The following MAPKAPK3 variants were observed in gnomAD, a reference collection of about 807,000 sequenced individuals.
MAPKAPK3 encodes the protein MAPK activated protein kinase 3.
MAPKAPK3 carries 35 observed loss-of-function variants against 49.2 expected under a neutral mutation model. The ratio of observed to expected loss-of-function variants is 0.71; its 90% CI spans 0.54 to 0.94. The LOEUF is 0.94. Ranked by LOEUF, MAPKAPK3 falls within the 40% of genes least tolerant of loss-of-function variation. The pLI, the probability that MAPKAPK3 is intolerant of heterozygous loss-of-function variation, is 0.00. For missense variants in MAPKAPK3, 398 were observed against 493.1 expected, an observed-to-expected ratio of 0.81 and a Z score of 1.83; for synonymous variants, 178 against 188.7, an observed-to-expected ratio of 0.94 and a Z score of 0.46.
intron 2 of MAPKAPK3, among the ~76,000 whole-genome samples, chr3:50,618,742 T>C (rs1000030132): frequency 6.6e-6 from 1 of 151,932 alleles, no homozygotes; most frequent in Admixed American, 6.6e-5. Context: ...CAGGCTGGAG[T>C]GCAGTGGCAC....
upstream of MAPKAPK3, chr3:50,611,748 G>A (rs960396143): frequency 1.4e-6 from 2 of 1,381,310 alleles, no homozygotes; most frequent in African/African-American, 1.5e-5. Context: ...GTAGGCTCCC[G>A]GGGCGCGCGG....
intron 9 of MAPKAPK3, 63 bp downstream of exon 9, chr3:50,646,888 A>T (rs2033312789): frequency 6.5e-7 from 1 of 1,539,848 alleles, no homozygotes; most frequent in Non-Finnish European, 9.0e-7. Context: ...GCCGGGCAGG[A>T]GGGTGGTGGC....
At chr3:50,646,111 T>C in intron 7 of MAPKAPK3, 29 bp from the exon 8 acceptor site, 1 of 1,608,660 alleles carries the variant, frequency 6.2e-7, no homozygotes, top group Non-Finnish European at 8.5e-7. Context: ...GCTCCCACCC[T>C]ATGCCAAATG....
chr3:50,633,387 C>G (rs941143643), intron 2 of MAPKAPK3, among the ~76,000 whole-genome samples: 2 of 151,976 alleles, frequency 1.3e-5, no homozygotes, highest in African/African-American at 4.8e-5. Context: ...GCACACACCC[C>G]TACACACGAT....
At chr3:50,638,635 G>T (rs1448544095) in intron 2 of MAPKAPK3, among the ~76,000 whole-genome samples, 1 of 152,206 alleles carries the variant, frequency 6.6e-6, no homozygotes, top group Admixed American at 6.5e-5. Context: ...AGGGTTGAGG[G>T]GAGCAGCTCC....
intron 8 of MAPKAPK3, among the ~76,000 whole-genome samples, 188 bp from the exon 9 acceptor site, chr3:50,646,552 G>A (rs1369350655): frequency 3.3e-5 from 5 of 152,204 alleles, no homozygotes; most frequent in Admixed American, 3.3e-4. Flanking sequence ...ATCTACTGCT[G>A]CTTAACCAAT....
chr3:50,646,069 C>G (rs541853445), intron 7 of MAPKAPK3, 71 bp from the exon 8 acceptor site: 2 of 1,561,606 alleles, frequency 1.3e-6, no homozygotes, highest in Admixed American at 1.9e-5. Context: ...CAGTCAGGGG[C>G]TTTTGAGGGG....
chr3:50,640,250 C>A, intron 2 of MAPKAPK3, 116 bp from the exon 3 acceptor site: 1 of 1,020,484 alleles, frequency 9.8e-7, no homozygotes, highest in Non-Finnish European at 1.4e-6. Context: ...CATTCTGCTC[C>A]TTATAAGCTG....
chr3:50,626,209 G>A (rs910991417), intron 2 of MAPKAPK3, among the ~76,000 whole-genome samples: 1 of 152,150 alleles, frequency 6.6e-6, no homozygotes, highest in African/African-American at 2.4e-5. Context: ...CGACCCCCAA[G>A]GGTTCCCTAG....
rs2107600398 is a variant in MAPKAPK3, at chr3:50,644,548, A to G, written c.628+16A>G. 1 of 1,613,736 alleles carries G rather than the reference A, an allele frequency of 6.2e-7. No individual in the cohort carries two copies. The highest frequency in any genetic ancestry group is 8.5e-7 in the Non-Finnish European group (1 of 1,179,910). ...TATTATGTGGGTGAGTCCTTCGGAC[A>G]TGAGTTGTAACTCCTCACCCCAACT... On this transcript the variant is annotated intron_variant, in intron 6 of 10. Transcript: ENST00000621469.
Position 50,640,368 on chromosome 3 carries a change from C to A in MAPKAPK3, c.222C>A (p.Leu74=). ...TTTCTATGTGCACCCACCTACAGCT[C>A]CTGTATGACAGCCCCAAGGCCCGGC... The part of the protein sequence containing the change: ...RRTGQKCALK[L]LYDSPKARQE... The change falls in exon 3 of 11, where the codon CTC becomes CTA. Residue 74 remains leucine (L), a splice_region_variant and synonymous_variant. Coordinates refer to ENST00000621469, the MANE Select transcript of MAPKAPK3 (RefSeq NM_001243925.2). 1.2e-6 allele frequency: 2 copies of A among 1,613,282 alleles called. No individual in the cohort carries two copies. The highest frequency in any genetic ancestry group is 1.7e-6 in the Non-Finnish European group (2 of 1,179,504).
intron 2 of MAPKAPK3, among the ~76,000 whole-genome samples, chr3:50,635,297 A>G (rs919225460): frequency 6.6e-6 from 1 of 152,074 alleles, no homozygotes; most frequent in African/African-American, 2.4e-5. Flanking sequence ...GCCTGGTTCA[A>G]CAGAGAGGGT....
chr3:50,628,664 G>A (rs987613019), intron 2 of MAPKAPK3, among the ~76,000 whole-genome samples: 3 of 152,196 alleles, frequency 2.0e-5, no homozygotes, highest in Non-Finnish European at 4.4e-5. Flanking sequence ...TGGGAAGGCT[G>A]TGGGCAGAAT....
At chr3:50,614,601 G>A (rs2032418279), upstream of MAPKAPK3, among the ~76,000 whole-genome samples, 1 of 151,272 alleles carries the variant, frequency 6.6e-6, no homozygotes, top group South Asian at 2.1e-4. Flanking sequence ...TGGACACACA[G>A]CTACATGAAG....
intron 2 of MAPKAPK3, among the ~76,000 whole-genome samples, chr3:50,624,119 T>A (rs1361587067): frequency 6.6e-6 from 1 of 152,244 alleles, no homozygotes; most frequent in Non-Finnish European, 1.5e-5. Context: ...GAAATCAGAC[T>A]GGTGAGTGGG....
chr3:50,625,475 C>T (rs965578505), intron 2 of MAPKAPK3, among the ~76,000 whole-genome samples: 1 of 152,120 alleles, frequency 6.6e-6, no homozygotes, highest in Non-Finnish European at 1.5e-5. Context: ...GTGTGGGAAC[C>T]GTGGAGGTTT....
At chr3:50,617,337 T>G in intron 1 of MAPKAPK3, 96 bp downstream of exon 1, 1 of 443,922 alleles carries the variant, frequency 2.3e-6, no homozygotes, top group South Asian at 5.2e-5. Flanking sequence ...GCCCGGGCGG[T>G]GCTCGCTTGT....
At chr3:50,616,481 C>G (rs1210915427), upstream of MAPKAPK3, among the ~76,000 whole-genome samples, 1 of 152,198 alleles carries the variant, frequency 6.6e-6, no homozygotes, top group African/African-American at 2.4e-5. Flanking sequence ...ACTTTTTAAA[C>G]ACGACGCCAA....
chr3:50,643,691 GAGA>G (rs950997736), intron 5 of MAPKAPK3, among the ~76,000 whole-genome samples: 13 of 151,986 alleles, frequency 8.6e-5, no homozygotes, highest in Admixed American at 3.3e-4. Flanking sequence ...TATCACAATT[GAGA>G]AGGTCAGATC....
Sources: gnomAD v4.1 joint callset for allele counts (sites outside exome capture counted in the v4.1 genomes callset) on GRCh38, gnomAD v4.1.1 for gene constraint, MANE v1.5 for transcripts, NCBI Gene and HGNC (gene_info 2026-07-23, HGNC 2026-07-21) for gene names.